CDC42BPG: variants seen among roughly 807,000 people sequenced by gnomAD.
CDC42BPG encodes CDC42 binding protein kinase gamma, also known as serine/threonine-protein kinase MRCK gamma.
A neutral mutation model predicts 192.2 loss-of-function variants in CDC42BPG; 157 were observed. The observed-to-expected ratio is 0.82, with a 90% confidence interval of 0.72 to 0.93. CDC42BPG has a LOEUF of 0.93. CDC42BPG is among the 40% of genes least tolerant of loss of function. The pLI, the probability that CDC42BPG is intolerant of heterozygous loss-of-function variation, is 0.00. For synonymous variants in CDC42BPG, 981 were observed against 918.5 expected (o/e 1.07, Z -1.23); for missense variants, 1,992 against 2,122.1 (o/e 0.94, Z 1.20).
chr11:64,833,553 C>T (rs1463454342), intron 23 of CDC42BPG, 47 bp downstream of exon 23: 3 of 1,545,604 alleles, frequency 1.9e-6, no homozygotes, highest in Non-Finnish European at 2.6e-6. Flanking sequence ...TTCAGCCTGG[C>T]AGAACTGCTT....
intron 9 of CDC42BPG, among the ~76,000 whole-genome samples, chr11:64,837,706 C>T (rs1401572509): frequency 1.3e-5 from 2 of 152,204 alleles, no homozygotes; most frequent in African/African-American, 4.8e-5. Context: ...AGGCGATCCA[C>T]CCGCCTCGAC....
chr11:64,834,308 G>GCTC lies in CDC42BPG; in HGVS notation c.2368_2370dup (p.Glu790dup). 1 of 1,580,254 alleles carries GCTC rather than the reference G, an allele frequency of 6.3e-7. No individual in the cohort carries two copies. The highest frequency in any genetic ancestry group is 8.6e-7 in the Non-Finnish European group (1 of 1,167,652). ...CGCAGCTCCTCCCGCAGCATGGCGA[G>GCTC]CTCCTGTTGCAGGGCCTGGCTCTGC... On this transcript the variant is annotated inframe_insertion, in exon 20 of 37. Transcript: ENST00000342711.
chr11:64,827,878 C>A, intron 30 of CDC42BPG, 95 bp from the exon 31 acceptor site: 1 of 1,041,060 alleles, frequency 9.6e-7, no homozygotes, highest in Non-Finnish European at 1.4e-6. Context: ...CCATGCCCCA[C>A]GCTAAGGTCC....
intron 9 of CDC42BPG, 137 bp from the exon 10 acceptor site, chr11:64,837,156 C>A: frequency 2.7e-6 from 2 of 732,788 alleles, no homozygotes; most frequent in Admixed American, 2.3e-5. Context: ...CAGACTGGTG[C>A]CACGGGTGGC....
intron 3 of CDC42BPG, among the ~76,000 whole-genome samples, 180 bp from the exon 4 acceptor site, chr11:64,840,828 T>TCAGTGTGACCATATGGAA (rs1283505265): frequency 6.6e-6 from 1 of 152,188 alleles, no homozygotes; most frequent in East Asian, 1.9e-4. Flanking sequence ...GCTCTGGGCC[T>TCAGTGTGACCATATGGAA]CAGTGTGACC....
In CDC42BPG at chr11:64,839,057, G is replaced by T; in HGVS notation, c.852C>A (p.Thr284=). Residue 284 remains threonine, a synonymous_variant, in exon 7 of 37, where the codon ACC becomes ACA. Transcript: ENST00000342711. The part of the protein sequence containing the change: ...TPFYAESLVE[T]YGKIMNHEDH... ...CCTCGTGGTTCATGATCTTGCCGTA[G>T]GTTTCCACCAAGGACTCAGCATAGA... The T allele has an allele frequency of 6.2e-7, 1 of 1,613,682 alleles. No homozygotes were observed. Among genetic ancestry groups the T allele is most frequent in the Non-Finnish European group, 8.5e-7 (1 of 1,180,032 alleles).
At position 64,824,530 on chromosome 11, in the gene CDC42BPG, C is replaced by T. The variant is rs1942346501; in HGVS notation, c.4600-1G>A. 4 of 1,603,704 alleles carry T rather than the reference C, an allele frequency of 2.5e-6. 1 individual carries two copies. The highest frequency in any genetic ancestry group is 2.2e-5 in the South Asian group (2 of 90,868). ...GGAGGCTTCGGGGCCGTTCTGAGAC[C>T]TGCAGGAGAAAGAAAAGGAAGTCAA... On this transcript the variant is annotated splice_acceptor_variant, in intron 36 of 36. Transcript: ENST00000342711. LOFTEE classifies it high-confidence loss of function.
chr11:64,833,631 T>C lies in CDC42BPG; in HGVS notation c.2594A>G (p.Asn865Ser). The C allele has an allele frequency of 1.2e-6, 2 of 1,612,210 alleles. No homozygotes were observed. The highest frequency in any genetic ancestry group is 8.5e-7 in the Non-Finnish European group (1 of 1,179,512). ...AGGAAGACCTTCTGTAGAGGCTGTGTTGGCAGTGGGTGCTCTGGGGAACAC... is the reference window on the plus strand; with the variant it reads ...AGGAAGACCTTCTGTAGAGGCTGTGCTGGCAGTGGGTGCTCTGGGGAACAC... ...GAVFPRAPTA[N>S]TASTEGLPAK... Residue 865 changes from asparagine to serine, a missense_variant, in exon 23 of 37, where the codon AAC (asparagine) becomes AGC (serine). Around this residue, in one of 2 missense-constraint regions of CDC42BPG, gnomAD observed 1,656 missense variants for 1,844.3 expected, o/e 0.90. Coordinates refer to ENST00000342711, the MANE Select transcript of CDC42BPG (RefSeq NM_017525.3).
intron 1 of CDC42BPG, among the ~76,000 whole-genome samples, chr11:64,842,248 T>C: frequency 6.6e-6 from 1 of 152,162 alleles, no homozygotes; most frequent in Non-Finnish European, 1.5e-5. Context: ...CTGGGGACCA[T>C]GGGGACACCA....
At chr11:64,832,353 G>C in intron 27 of CDC42BPG, 75 bp downstream of exon 27, 3 of 1,448,606 alleles carry the variant, frequency 2.1e-6, no homozygotes, top group African/African-American at 1.4e-5. Context: ...AGTATGAAGT[G>C]GGGGGACAGT....
At chr11:64,840,304 G>T (rs777952552) in intron 4 of CDC42BPG, 36 bp from the exon 5 acceptor site, 1 of 1,600,108 alleles carries the variant, frequency 6.2e-7, no homozygotes, top group South Asian at 1.1e-5. Flanking sequence ...CCCGGGGGAA[G>T]GGTGCACCTG....
intron 9 of CDC42BPG, 142 bp downstream of exon 9, chr11:64,837,941 T>C (rs1052346920): frequency 1.4e-6 from 1 of 717,062 alleles, no homozygotes; most frequent in Non-Finnish European, 2.4e-6. Flanking sequence ...ACCCCGAGGA[T>C]GAGGGCTAGA....
At position 64,831,577 on chromosome 11, in the gene CDC42BPG, C is replaced by T. The variant is rs149923651; in HGVS notation, c.3232G>A (p.Val1078Met). Residue 1078 changes from valine to methionine, a missense_variant, in exon 28 of 37, where the codon GTG becomes ATG. Physicochemically the swap from Val to Met is conservative, Grantham distance 21. Transcript: ENST00000342711. Reference protein sequence around the residue: ...LLDARPRPRPVYTLKEAYDNG... With the variant: ...LLDARPRPRPMYTLKEAYDNG... ...TCGTAAGCCTCCTTGAGTGTGTACACGGGCCGGGGTCTTGGCCGCGCGTCC... is the reference window on the plus strand; with the variant it reads ...TCGTAAGCCTCCTTGAGTGTGTACATGGGCCGGGGTCTTGGCCGCGCGTCC... The T allele has an allele frequency of 1.2e-4, 187 of 1,612,548 alleles. No homozygotes were observed. The highest frequency in any genetic ancestry group is 3.3e-4 in the Middle Eastern group (2 of 6,060).
chr11:64,826,062 A>AG (rs1942401138), intron 36 of CDC42BPG, among the ~76,000 whole-genome samples: 1 of 143,266 alleles, frequency 7.0e-6, no homozygotes, highest in Admixed American at 7.0e-5. Context: ...GTGAGACTCC[A>AG]TCTGGAAAAA....
At chr11:64,827,201 G>A in intron 33 of CDC42BPG, 34 bp from the exon 34 acceptor site, 1 of 1,612,334 alleles carries the variant, frequency 6.2e-7, no homozygotes, top group Non-Finnish European at 8.5e-7. Context: ...GGGTGGCGAA[G>A]CTCCACCCTC....
intron 34 of CDC42BPG, 69 bp downstream of exon 34, chr11:64,826,980 GC>G (rs1178923047): frequency 4.0e-6 from 5 of 1,242,798 alleles, no homozygotes. Context: ...ATTGGCTAGA[GC>G]TCACCACAGA....
Position 64,832,755 on chromosome 11 carries a change from G to A in CDC42BPG, c.2866-12C>T, listed in dbSNP as rs751572438. 7 of 1,599,950 alleles carry A rather than the reference G, an allele frequency of 4.4e-6. No individual in the cohort carries two copies. In the African/African-American group the frequency reaches 9.4e-5, roughly 21 times the overall value. Reference sequence around the variant, plus strand: ...GAGGGCCGCGGCACCTGGCGGAAAGGCAAGCATGGGAGGGCTGCAGGGACC... The same window carrying A: ...GAGGGCCGCGGCACCTGGCGGAAAGACAAGCATGGGAGGGCTGCAGGGACC... On this transcript the variant is annotated splice_polypyrimidine_tract_variant and intron_variant, in intron 25 of 36. Transcript: ENST00000342711.
At chr11:64,841,412 G>T (rs529951180) in intron 3 of CDC42BPG, among the ~76,000 whole-genome samples, 1 of 150,086 alleles carries the variant, frequency 6.7e-6, no homozygotes, top group South Asian at 2.1e-4. Context: ...AGATAGCACC[G>T]TTGAACTCCA....
intron 7 of CDC42BPG, 34 bp from the exon 8 acceptor site, chr11:64,838,936 G>A: frequency 1.2e-6 from 2 of 1,608,022 alleles, no homozygotes; most frequent in Non-Finnish European, 1.7e-6. Context: ...GCTGGGTCAA[G>A]TGTCCAGGAA....
Sources: allele counts gnomAD v4.1 joint callset (sites outside exome capture counted in the v4.1 genomes callset), GRCh38; gene constraint gnomAD v4.1.1; regional missense constraint gnomAD v4.1.1; transcripts MANE v1.5; gene names NCBI Gene and HGNC (gene_info 2026-07-23, HGNC 2026-07-21).